The following MYRIP variants were observed in gnomAD, a reference collection of about 807,000 sequenced individuals.
MYRIP encodes rab effector MyRIP.
Under a neutral mutation model 98.0 loss-of-function variants are expected in MYRIP, and 49 were observed. The ratio of observed to expected loss-of-function variants is 0.50; its 90% CI spans 0.40 to 0.63. The LOEUF (loss-of-function observed/expected upper bound fraction) is 0.63, where lower values mean the gene tolerates loss of function less well. MYRIP is among the 30% of genes least tolerant of loss of function. The pLI is 0.00. For missense variants in MYRIP, 1,004 were observed against 1,058.2 expected, an observed-to-expected ratio of 0.95 and a Z score of 0.71; for synonymous variants, 404 against 409.5, an observed-to-expected ratio of 0.99 and a Z score of 0.16.
At chr3:40,233,558 A>T (rs1473062941) in intron 11 of MYRIP, among the ~76,000 whole-genome samples, 4 of 152,194 alleles carry the variant, frequency 2.6e-5, no homozygotes, top group African/African-American at 9.7e-5. Context: ...CAGAGATATT[A>T]AACTACCAGC....
At chr3:39,971,898 A>C (rs889789416) in intron 2 of MYRIP, among the ~76,000 whole-genome samples, 46 of 152,200 alleles carry the variant, frequency 3.0e-4, no homozygotes, top group African/African-American at 1.1e-3. Flanking sequence ...CCATCTGTTG[A>C]CCATAAATCC....
rs192483239 is a variant in MYRIP, at chr3:40,033,508, A to T, written c.111-10542A>T. 9.0e-3 allele frequency among the ~76,000 whole-genome samples: 1,365 copies of T among 152,240 alleles called. 21 individuals carry two copies. The highest frequency in any genetic ancestry group is 0.028 in the African/African-American group (1,175 of 41,522). On this transcript the variant is annotated intron_variant, in intron 2 of 16. Coordinates refer to ENST00000302541, the MANE Select transcript of MYRIP (RefSeq NM_015460.4). The stretch of plus-strand genomic sequence containing the variant: ...GAATAAAATACCTAGGAATCCAACT[A>T]ACAACGGACGTGAAGGACCTCTTCA...
At chr3:40,230,437 G>T (rs1057405638) in intron 11 of MYRIP, among the ~76,000 whole-genome samples, 3 of 152,192 alleles carry the variant, frequency 2.0e-5, no homozygotes, top group African/African-American at 7.2e-5. Flanking sequence ...TAACATAGTT[G>T]TAGGAGGTGC....
chr3:40,250,393 T>C (rs773477202), intron 14 of MYRIP, 46 bp from the exon 15 acceptor site: 1 of 1,612,074 alleles, frequency 6.2e-7, no homozygotes, highest in Non-Finnish European at 8.5e-7. Flanking sequence ...AGACAAAATA[T>C]CTTTGGCTCT....
intron 11 of MYRIP, among the ~76,000 whole-genome samples, chr3:40,226,342 T>A (rs1442775378): frequency 6.6e-6 from 1 of 152,210 alleles, no homozygotes; most frequent in Admixed American, 6.5e-5. Flanking sequence ...AGCAGCACCT[T>A]GCCAGCTCCC....
chr3:39,897,407 A>C (rs1386316999), intron 1 of MYRIP, among the ~76,000 whole-genome samples: 1 of 152,222 alleles, frequency 6.6e-6, no homozygotes, highest in Non-Finnish European at 1.5e-5. Context: ...ACTTTAGGGA[A>C]GTGGTGATAT....
intron 1 of MYRIP, among the ~76,000 whole-genome samples, chr3:39,845,524 C>T (rs66582624): frequency 0.082 from 12,519 of 152,048 alleles, 582 homozygotes; most frequent in African/African-American, 0.13. Flanking sequence ...AAGTCATATA[C>T]TGAGCATTAG....
chr3:40,169,853 G>A, intron 7 of MYRIP, 97 bp from the exon 8 acceptor site: 1 of 1,461,028 alleles, frequency 6.8e-7, no homozygotes, highest in South Asian at 1.2e-5. Context: ...AAGCTTATAA[G>A]TGGCTGAAAA....
intron 3 of MYRIP, among the ~76,000 whole-genome samples, chr3:40,103,788 C>A (rs1299390659): frequency 6.6e-6 from 1 of 151,810 alleles, no homozygotes; most frequent in East Asian, 1.9e-4. Flanking sequence ...ACTCTGGCTA[C>A]AGAAGAACAG....
chr3:40,020,303 A>G (rs1199621045), intron 2 of MYRIP, among the ~76,000 whole-genome samples: 1 of 128,408 alleles, frequency 7.8e-6, no homozygotes, highest in African/African-American at 2.8e-5. Flanking sequence ...ATTCTTACCA[A>G]TTATTACTTC....
Position 40,134,884 on chromosome 3 carries a change from C to T in MYRIP, c.333-16164C>T, listed in dbSNP as rs887809776. ...CATCCACACCAAAAACCCATCTGTA[C>T]GTCACCATCATCAAAAACGAAATGT... is the stretch of plus-strand genomic sequence containing the variant. On this transcript the variant is annotated intron_variant, in intron 3 of 16. Coordinates refer to ENST00000302541, the MANE Select transcript of MYRIP (RefSeq NM_015460.4). Among the ~76,000 whole-genome samples, 7 of 152,136 alleles carry T rather than the reference C, an allele frequency of 4.6e-5. No individual in the cohort carries two copies. The East Asian group carries it at 9.6e-4, about 21-fold the overall frequency.
In MYRIP at chr3:40,189,207, A is replaced by C. The variant is rs909213805; in HGVS notation, c.1028-619A>C. ...CAGTTACTTAACTTCGCTCATCTTC[A>C]TTTCCTCATCCATAAAATGACATTG... On this transcript the variant is annotated intron_variant, in intron 9 of 16. Coordinates refer to ENST00000302541, the MANE Select transcript of MYRIP (RefSeq NM_015460.4). 2.6e-5 allele frequency among the ~76,000 whole-genome samples: 4 copies of C among 152,302 alleles called. No individual in the cohort carries two copies. In the East Asian group the frequency reaches 7.7e-4, roughly 29 times the overall value.
intron 2 of MYRIP, among the ~76,000 whole-genome samples, chr3:39,906,911 CTAT>C (rs1159071487): frequency 1.3e-5 from 2 of 152,186 alleles, no homozygotes; most frequent in African/African-American, 2.4e-5. Context: ...GCTTCCTAGG[CTAT>C]CAACAGACTA....
chr3:40,144,674 C>T (rs1452730080), intron 3 of MYRIP, among the ~76,000 whole-genome samples: 1 of 152,152 alleles, frequency 6.6e-6, no homozygotes. Flanking sequence ...GCCCAGAGGG[C>T]GTGATTTCTA....
chr3:39,980,464 C>T (rs971951104), intron 2 of MYRIP, among the ~76,000 whole-genome samples: 1 of 152,172 alleles, frequency 6.6e-6, no homozygotes, highest in Non-Finnish European at 1.5e-5. Context: ...GGGTGTGGCA[C>T]CATCAGCATC....
intron 1 of MYRIP, among the ~76,000 whole-genome samples, chr3:39,830,419 C>A (rs1941404942): frequency 6.6e-6 from 1 of 152,170 alleles, no homozygotes; most frequent in South Asian, 2.1e-4. Flanking sequence ...TTATTCTCTT[C>A]ATTGATGTCT....
intron 3 of MYRIP, chr3:40,071,132 C>A: frequency 1.0e-6 from 1 of 985,412 alleles, no homozygotes; most frequent in Non-Finnish European, 1.2e-6. Context: ...ATGTCCTCAA[C>A]TGCAGTAGGA....
chr3:40,017,900 A>G (rs1160628737), intron 2 of MYRIP, among the ~76,000 whole-genome samples: 1 of 152,142 alleles, frequency 6.6e-6, no homozygotes, highest in Non-Finnish European at 1.5e-5. Context: ...TAGCCTAATG[A>G]GTAATCAGCT....
At chr3:40,257,746 C>G (rs906150723) in intron 16 of MYRIP, among the ~76,000 whole-genome samples, 1 of 152,150 alleles carries the variant, frequency 6.6e-6, no homozygotes, top group Admixed American at 6.5e-5. Flanking sequence ...TGAAATGAAA[C>G]TGATCATTAA....
Sources: allele counts gnomAD v4.1 joint callset (sites outside exome capture counted in the v4.1 genomes callset), GRCh38; gene constraint gnomAD v4.1.1; transcripts MANE v1.5; gene names NCBI Gene and HGNC (gene_info 2026-07-23, HGNC 2026-07-21).